The following MALT1 variants were observed in gnomAD, a reference collection of about 807,000 sequenced individuals.
The protein encoded by MALT1 is mucosa-associated lymphoid tissue lymphoma translocation protein 1.
Under a neutral mutation model 85.5 loss-of-function variants are expected in MALT1, and 36 were observed. The observed-to-expected ratio is 0.42, with a 90% confidence interval of 0.32 to 0.56. The LOEUF (loss-of-function observed/expected upper bound fraction) is 0.56, where lower values mean the gene tolerates loss of function less well. MALT1 is among the 20% of genes least tolerant of loss of function. MALT1 has a pLI of 0.10. For missense variants in MALT1, 716 were observed against 981.6 expected (o/e 0.73, Z 3.62); for synonymous variants, 359 against 361.3 (o/e 0.99, Z 0.07).
At chr18:58,712,466 A>G (rs1031337992) in intron 7 of MALT1, among the ~76,000 whole-genome samples, 1 of 152,160 alleles carries the variant, frequency 6.6e-6, no homozygotes, top group Non-Finnish European at 1.5e-5. Flanking sequence ...GACAAATATC[A>G]TATGTTCTTA....
intron 1 of MALT1, among the ~76,000 whole-genome samples, chr18:58,678,838 A>G (rs1282465674): frequency 2.6e-5 from 4 of 152,254 alleles, no homozygotes; most frequent in Admixed American, 2.6e-4. Context: ...GACTGTGTCT[A>G]TAAAGTGTGT....
At chr18:58,709,148 C>T (rs939164343) in intron 4 of MALT1, among the ~76,000 whole-genome samples, 1 of 152,174 alleles carries the variant, frequency 6.6e-6, no homozygotes. Flanking sequence ...GTCCTGCAAT[C>T]GAGAAATGTG....
Position 58,671,673 on chromosome 18 carries a change from C to A in MALT1, c.30C>A (p.Ala10=). The A allele has an allele frequency of 1.6e-6, 2 of 1,241,284 alleles. No homozygotes were observed. Among genetic ancestry groups the A allele is most frequent in the Non-Finnish European group, 2.0e-6 (2 of 994,122 alleles). The allele number at this position is 1,241,284 out of a possible 1,614,324, so 76.9% of individuals were successfully genotyped here. The stretch of plus-strand genomic sequence containing the variant: ...CGCTGTTGGGGGACCCGCTACAGGC[C>A]CTGCCGCCCTCGGCCGCCCCCACGG... MSLLGDPLQ[A]LPPSAAPTGP... The change falls in exon 1 of 17, where the codon GCC becomes GCA. Residue 10 remains alanine, a synonymous_variant. Coordinates refer to ENST00000649217, the MANE Select transcript of MALT1 (RefSeq NM_006785.4).
intron 1 of MALT1, among the ~76,000 whole-genome samples, chr18:58,673,089 T>G (rs1479539365): frequency 6.6e-6 from 1 of 152,222 alleles, no homozygotes; most frequent in Non-Finnish European, 1.5e-5. Flanking sequence ...TAATTATTTG[T>G]ACACATCTTT....
At chr18:58,745,842 G>T (rs2055358844) in intron 16 of MALT1, 51 bp downstream of exon 16, 2 of 1,563,386 alleles carry the variant, frequency 1.3e-6, no homozygotes, top group Non-Finnish European at 1.7e-6. Flanking sequence ...TATGAAACTG[G>T]AAACTTATTT....
rs2055285988 is a variant in MALT1 at position 58,740,409 on chromosome 18, C to T, written c.1604-1456C>T. 2.6e-5 allele frequency among the ~76,000 whole-genome samples: 4 copies of T among 152,076 alleles called. No individual in the cohort carries two copies. In the South Asian group the frequency reaches 8.3e-4, roughly 32 times the overall value. ...CATCATCGTAGTTATTCACTTTTAGCCTATTTTTTCCAATTTAAGTTTCTA... is the reference window on the plus strand; with the variant it reads ...CATCATCGTAGTTATTCACTTTTAGTCTATTTTTTCCAATTTAAGTTTCTA... On this transcript the variant is annotated intron_variant, in intron 13 of 16. Transcript: ENST00000649217.
intron 10 of MALT1, among the ~76,000 whole-genome samples, chr18:58,731,657 A>G (rs2055151776): frequency 6.6e-6 from 1 of 152,122 alleles, no homozygotes. Flanking sequence ...TTCACTTCAT[A>G]CTGATATTCC....
intron 2 of MALT1, among the ~76,000 whole-genome samples, chr18:58,695,263 C>G (rs1003540973): frequency 2.0e-5 from 3 of 152,202 alleles, no homozygotes; most frequent in Non-Finnish European, 2.9e-5. Flanking sequence ...AATACTCTTA[C>G]CACTTGAGCC....
intron 10 of MALT1, among the ~76,000 whole-genome samples, chr18:58,726,356 G>A (rs898232828): frequency 1.5e-4 from 23 of 152,180 alleles, no homozygotes; most frequent in African/African-American, 5.3e-4. Flanking sequence ...GAGGCTTGAG[G>A]GTTTAGGGCA....
intron 1 of MALT1, among the ~76,000 whole-genome samples, chr18:58,675,785 T>A (rs2054230853): frequency 6.6e-6 from 1 of 152,230 alleles, no homozygotes; most frequent in East Asian, 1.9e-4. Flanking sequence ...ACTCCTAATT[T>A]CTATTTCCAG....
chr18:58,709,308 T>TA, intron 4 of MALT1, 70 bp from the exon 5 acceptor site: 1 of 1,031,386 alleles, frequency 9.7e-7, no homozygotes, highest in Non-Finnish European at 1.4e-6. Context: ...ACTTGACACA[T>TA]CTCTTTAATT....
rs2055341534 is a variant in MALT1 at position 58,744,507 on chromosome 18, CT to C, written c.1911+16del. 1 of 1,575,982 alleles carries C rather than the reference CT, an allele frequency of 6.3e-7. No individual in the cohort carries two copies. Among genetic ancestry groups the C allele is most frequent in the Non-Finnish European group, 8.6e-7 (1 of 1,157,960 alleles). ...CTGATTTTCCACTTGTGAGTCTCTT[CT>C]TTTATTTAAAATACAGTGATATATT... is the stretch of plus-strand genomic sequence containing the variant. On this transcript the variant is annotated intron_variant, in intron 15 of 16. Coordinates refer to ENST00000649217, the MANE Select transcript of MALT1 (RefSeq NM_006785.4).
At chr18:58,705,552 C>G (rs1478525585) in intron 4 of MALT1, among the ~76,000 whole-genome samples, 1 of 141,704 alleles carries the variant, frequency 7.1e-6, no homozygotes, top group Non-Finnish European at 1.5e-5. Flanking sequence ...TCAATTCCCA[C>G]CTATGAGTGA....
chr18:58,710,780 T>C (rs1318059908), intron 6 of MALT1, 141 bp from the exon 7 acceptor site: 1 of 598,248 alleles, frequency 1.7e-6, no homozygotes, highest in Non-Finnish European at 2.9e-6. Context: ...TTTATAGTTA[T>C]ATTGTTCATA....
rs1198842956 is a variant in MALT1 at position 58,696,451 on chromosome 18, T to G, written c.462T>G (p.Pro154=). The stretch of plus-strand genomic sequence containing the variant: ...TGTGTTGCCGGGCAACTGGACATCC[T>G]TTTGTTCAATATCAGTGGTTCAAAA... ...VKLCCRATGH[P]FVQYQWFKMN... The change falls in exon 3 of 17, where the codon CCT becomes CCG. Residue 154 remains proline (P), a synonymous_variant. Coordinates refer to ENST00000649217, the MANE Select transcript of MALT1 (RefSeq NM_006785.4). 1.3e-6 allele frequency: 2 copies of G among 1,598,422 alleles called. No individual in the cohort carries two copies. The highest frequency in any genetic ancestry group is 4.5e-5 in the East Asian group (2 of 44,252).
chr18:58,686,597 G>A (rs1254813790), intron 2 of MALT1, among the ~76,000 whole-genome samples: 1 of 152,186 alleles, frequency 6.6e-6, no homozygotes, highest in East Asian at 1.9e-4. Flanking sequence ...GTGCCTCACT[G>A]AGGGTACCTA....
chr18:58,671,607 C>T lies in MALT1; in HGVS notation c.-37C>T, dbSNP rs2054160803. 8.4e-7 allele frequency: 1 copy of T among 1,194,840 alleles called. No individual in the cohort carries two copies. The highest frequency in any genetic ancestry group is 1.0e-6 in the Non-Finnish European group (1 of 960,206). The allele number at this position is 1,194,840 out of a possible 1,614,324, so 74.0% of individuals were successfully genotyped here. On this transcript the variant is annotated 5_prime_UTR_variant, in exon 1 of 17. Transcript: ENST00000649217. ...GGGCCGAGGCCCGTGACGGGGCGGG[C>T]GGGAGCCCCGGCAGTCCGGGGTCGC...
intron 2 of MALT1, among the ~76,000 whole-genome samples, chr18:58,687,741 C>G (rs952421945): frequency 3.9e-5 from 6 of 152,200 alleles, no homozygotes; most frequent in Non-Finnish European, 7.3e-5. Flanking sequence ...AGAATAACTT[C>G]AAGGGAAGCT....
At chr18:58,689,495 C>G (rs1267500871) in intron 2 of MALT1, among the ~76,000 whole-genome samples, 1 of 152,232 alleles carries the variant, frequency 6.6e-6, no homozygotes, top group Non-Finnish European at 1.5e-5. Context: ...TGAACACCCA[C>G]TAACACCCAC....
Sources: gnomAD v4.1 joint callset for allele counts (sites outside exome capture counted in the v4.1 genomes callset) on GRCh38, gnomAD v4.1.1 for gene constraint, MANE v1.5 for transcripts, NCBI Gene and HGNC (gene_info 2026-07-23, HGNC 2026-07-21) for gene names.